Variants in KCNQ1 observed in about 807,000 individuals in gnomAD.
The protein encoded by KCNQ1 is potassium voltage-gated channel subfamily KQT member 1.
KCNQ1 carries 49 observed loss-of-function variants against 72.4 expected under a neutral mutation model. That is an observed-to-expected ratio of 0.68 (90% CI 0.54 to 0.86). The LOEUF is 0.86. KCNQ1 is among the 40% of genes least tolerant of loss of function. The probability of loss-of-function intolerance (pLI) is 0.00; values close to 1 mark genes in which losing one functional copy is unlikely to be tolerated. For missense variants in KCNQ1, 790 were observed against 945.1 expected (o/e 0.84, Z 2.15); for synonymous variants, 450 against 412.6 (o/e 1.09, Z -1.10).
rs761496825 is a variant in KCNQ1 at position 2,593,682 on chromosome 11, G to A, written c.1393+4828G>A. Among the ~76,000 whole-genome samples the A allele has an allele frequency of 1.3e-5, 2 of 152,140 alleles. No individual in the cohort carries two copies. Among genetic ancestry groups the A allele is most frequent in the African/African-American group, 2.4e-5 (1 of 41,420 alleles). ...GTGTGTGTGCTTTCTGGAGGCATGC[G>A]TCATGGAACAGCCTCACCTCTCACT... On this transcript the variant is annotated intron_variant, in intron 10 of 15. Coordinates refer to ENST00000155840, the MANE Select transcript of KCNQ1 (RefSeq NM_000218.3). This position sits in a 1 kb window ranked among gnomAD's most constrained non-coding sequence, Gnocchi z 6.9.
Position 2,645,336 on chromosome 11 carries a change from C to T in KCNQ1, c.1394-16625C>T, listed in dbSNP as rs998671051. 1 of 398,530 alleles carries T rather than the reference C, an allele frequency of 2.5e-6. No individual in the cohort carries two copies. The highest frequency in any genetic ancestry group is 2.1e-5 in the African/African-American group (1 of 48,586). The allele number at this position is 398,530 out of a possible 1,614,324, so 24.7% of individuals were successfully genotyped here. ...CAATACTGGATAGGGCAGGGTGATC[C>T]CTAGGCCCAGAGATGGTATGCGCTG... On this transcript the variant is annotated intron_variant, in intron 10 of 15. Coordinates refer to ENST00000155840, the MANE Select transcript of KCNQ1 (RefSeq NM_000218.3). The surrounding 1 kb of genome is among the most constrained non-coding windows in gnomAD (Gnocchi z 5.8).
At chr11:2,524,556 C>T (rs1039404378) in intron 1 of KCNQ1, among the ~76,000 whole-genome samples, 1 of 152,202 alleles carries the variant, frequency 6.6e-6, no homozygotes, top group African/African-American at 2.4e-5. Flanking sequence ...GGGCAGTGGC[C>T]TGCAGTCCCC....
chr11:2,644,623 G>A (rs923906425), intron 10 of KCNQ1: 1 of 398,354 alleles, frequency 2.5e-6, no homozygotes, highest in African/African-American at 2.1e-5. Context: ...GCCTTTTCAT[G>A]TTTCTTGTGT....
At chr11:2,580,992 C>T (rs1848490964) in intron 6 of KCNQ1, among the ~76,000 whole-genome samples, 1 of 152,214 alleles carries the variant, frequency 6.6e-6, no homozygotes, top group African/African-American at 2.4e-5. Context: ...GCTGCGCCAG[C>T]CCAGGCACAG....
intron 10 of KCNQ1, chr11:2,629,682 G>A (rs1200043623): frequency 1.0e-5 from 4 of 398,284 alleles, no homozygotes; most frequent in Admixed American, 8.8e-5. Context: ...TCTTTTTGAT[G>A]CTATTTTAAA....
intron 2 of KCNQ1, among the ~76,000 whole-genome samples, chr11:2,548,229 G>A (rs894301210): frequency 8.5e-5 from 13 of 152,210 alleles, no homozygotes; most frequent in African/African-American, 1.7e-4. Context: ...TGCACGAGTC[G>A]TGTGAGCACA....
In KCNQ1 at chr11:2,562,400, G is replaced by A. The variant is rs1017752781; in HGVS notation, c.478-8228G>A. 6.6e-6 allele frequency among the ~76,000 whole-genome samples: 1 copy of A among 152,160 alleles called. No individual in the cohort carries two copies. Among genetic ancestry groups the A allele is most frequent in the African/African-American group, 2.4e-5 (1 of 41,444 alleles). ...GCCCTCCGGCCAGCTGACCCTCCCC[G>A]GAGCCGAGGCTGGCTCTCTCTGTGG... On this transcript the variant is annotated intron_variant, in intron 2 of 15. Transcript: ENST00000155840. This position sits in a 1 kb window ranked among gnomAD's most constrained non-coding sequence, Gnocchi z 7.5.
rs957925279 is a variant in KCNQ1 at position 2,492,159 on chromosome 11, A to G, written c.387-35769A>G. On this transcript the variant is annotated intron_variant, in intron 1 of 15. Transcript: ENST00000155840. The surrounding 1 kb of genome is among the most constrained non-coding windows in gnomAD (Gnocchi z 4.1). ...AAGGTACAAAACTCACTGGTAATAC[A>G]TACACAGAAATACAAATAGTATTAT... Among the ~76,000 whole-genome samples the G allele has an allele frequency of 5.9e-5, 9 of 152,346 alleles. No individual in the cohort carries two copies. Among genetic ancestry groups the G allele is most frequent in the East Asian group, 3.9e-4 (2 of 5,186 alleles).
intron 10 of KCNQ1, chr11:2,644,232 C>T: frequency 2.5e-6 from 1 of 398,482 alleles, no homozygotes; most frequent in Non-Finnish European, 4.4e-6. Context: ...GAAGGTGTCA[C>T]CTTATGGCAT....
intron 15 of KCNQ1, among the ~76,000 whole-genome samples, chr11:2,847,031 T>C (rs1286564230): frequency 6.6e-6 from 1 of 152,200 alleles, no homozygotes. Context: ...AGATGGTGTC[T>C]GGGAAAATAG....
At chr11:2,631,805 C>T in intron 10 of KCNQ1, 1 of 398,568 alleles carries the variant, frequency 2.5e-6, no homozygotes, top group East Asian at 3.6e-5. Context: ...CCTTGGTGGC[C>T]AAGGCTGAGT....
At chr11:2,656,580 T>C (rs1025142084) in intron 10 of KCNQ1, 32 of 398,570 alleles carry the variant, frequency 8.0e-5, no homozygotes, top group Admixed American at 2.2e-4. Context: ...TGGATTCCTC[T>C]TTTGTGATGT....
chr11:2,510,725 A>G (rs1321535242), intron 1 of KCNQ1, among the ~76,000 whole-genome samples: 1 of 152,220 alleles, frequency 6.6e-6, no homozygotes, highest in Non-Finnish European at 1.5e-5. Context: ...GGCCCAGGCC[A>G]GATGCTTCTC....
chr11:2,456,763 TCCAAAAA>T (rs1336644046), intron 1 of KCNQ1, among the ~76,000 whole-genome samples: 22 of 54,662 alleles, frequency 4.0e-4, no homozygotes, highest in Non-Finnish European at 7.1e-4. Context: ...CTACTAAAAA[TCCAAAAA>T]AAAAAAAAAA....
At chr11:2,609,646 A>G (rs1397918553) in intron 10 of KCNQ1, 2 of 398,316 alleles carry the variant, frequency 5.0e-6, no homozygotes, top group Non-Finnish European at 8.9e-6. Flanking sequence ...CTATTGTTGA[A>G]TTGGCTATTT....
rs1252563768 is a variant in KCNQ1, at chr11:2,473,716, G to A, written c.386+28232G>A. Among the ~76,000 whole-genome samples, 1 of 152,220 alleles carries A rather than the reference G, an allele frequency of 6.6e-6. No homozygotes were observed. Among genetic ancestry groups the A allele is most frequent in the African/African-American group, 2.4e-5 (1 of 41,474 alleles). On this transcript the variant is annotated intron_variant, in intron 1 of 15. Coordinates refer to ENST00000155840, the MANE Select transcript of KCNQ1 (RefSeq NM_000218.3). This position sits in a 1 kb window ranked among gnomAD's most constrained non-coding sequence, Gnocchi z 6.0. Reference sequence around the variant, plus strand: ...TTCCTCCATCCCATTGAGAGCCAGGGCAGGTCCTGGAGATGGCAGCCTGCA... The same window carrying A: ...TTCCTCCATCCCATTGAGAGCCAGGACAGGTCCTGGAGATGGCAGCCTGCA...
At position 2,536,912 on chromosome 11, in the gene KCNQ1, A is replaced by G; in HGVS notation, c.477+8894A>G. 6.6e-6 allele frequency among the ~76,000 whole-genome samples: 1 copy of G among 151,920 alleles called. No homozygotes were observed. Among genetic ancestry groups the G allele is most frequent in the African/African-American group, 2.4e-5 (1 of 41,266 alleles). On this transcript the variant is annotated intron_variant, in intron 2 of 15. Transcript: ENST00000155840. This position sits in a 1 kb window ranked among gnomAD's most constrained non-coding sequence, Gnocchi z 7.4. The stretch of plus-strand genomic sequence containing the variant: ...TGGCTAGCAACTGTCTTCTAGATGT[A>G]GTACCCCAATCCCCCCCAGTCCCTC...
rs909781027 is a variant in KCNQ1, at chr11:2,803,200, G to A, written c.1794+25163G>A. Reference sequence around the variant, plus strand: ...CAGGAACCGCCCTGGCTTTGCTGGAGGACCTGCCATGGCTTTGCCAGAAGA... The same window carrying A: ...CAGGAACCGCCCTGGCTTTGCTGGAAGACCTGCCATGGCTTTGCCAGAAGA... On this transcript the variant is annotated intron_variant, in intron 15 of 15. Coordinates refer to ENST00000155840, the MANE Select transcript of KCNQ1 (RefSeq NM_000218.3). The surrounding 1 kb of genome is among the most constrained non-coding windows in gnomAD (Gnocchi z 6.4). Among the ~76,000 whole-genome samples the A allele has an allele frequency of 4.6e-5, 7 of 152,162 alleles. No homozygotes were observed. Among genetic ancestry groups the A allele is most frequent in the Admixed American group, 6.5e-5 (1 of 15,288 alleles).
chr11:2,624,458 TG>T lies in KCNQ1; in HGVS notation c.1393+35605del. 1 of 398,510 alleles carries T rather than the reference TG, an allele frequency of 2.5e-6. No individual in the cohort carries two copies. The highest frequency in any genetic ancestry group is 4.4e-6 in the Non-Finnish European group (1 of 226,026). 24.7% of individuals were successfully genotyped at this position (398,510 alleles called of 1,614,324 possible). A position where few individuals can be genotyped will look rare whatever the true frequency, so the allele number is the denominator to read the frequency against. On this transcript the variant is annotated intron_variant, in intron 10 of 15. Transcript: ENST00000155840. The surrounding 1 kb of genome is among the most constrained non-coding windows in gnomAD (Gnocchi z 4.9). ...TATCAATTATTTCTTTCATGAATCA[TG>T]CCTTTGGTGTCATATCTAAAAAGCC...
Sources: gnomAD v4.1 joint callset for allele counts (sites outside exome capture counted in the v4.1 genomes callset) on GRCh38, gnomAD v4.1.1 for gene constraint, Gnocchi (gnomAD v3.1) non-coding constraint, MANE v1.5 for transcripts, NCBI Gene and HGNC (gene_info 2026-07-23, HGNC 2026-07-21) for gene names.